PDE1C: variants seen among roughly 807,000 people sequenced by gnomAD.
The protein encoded by PDE1C is dual specificity calcium/calmodulin-dependent 3',5'-cyclic nucleotide phosphodiesterase 1C.
Under a neutral mutation model 93.1 loss-of-function variants are expected in PDE1C, and 62 were observed. The ratio of observed to expected loss-of-function variants is 0.67; its 90% CI spans 0.54 to 0.82. The LOEUF (loss-of-function observed/expected upper bound fraction) is 0.82, where lower values mean the gene tolerates loss of function less well. Ranked by LOEUF, PDE1C falls within the 40% of genes least tolerant of loss-of-function variation. The pLI, the probability that PDE1C is intolerant of heterozygous loss-of-function variation, is 0.00. For synonymous variants in PDE1C, 325 were observed against 310.1 expected, an observed-to-expected ratio of 1.05 and a Z score of -0.50; for missense variants, 742 against 884.6, an observed-to-expected ratio of 0.84 and a Z score of 2.04.
At chr7:31,687,329 C>T in the PDE1C span, 1 of 152,390 alleles carries the variant, frequency 6.6e-6, no homozygotes, top group East Asian at 1.9e-4. Flanking sequence ...GATTTTTACT[C>T]CAAGAACTTT....
chr7:32,023,008 G>C (rs1187952134), intron 2 of PDE1C, among the ~76,000 whole-genome samples: 1 of 148,862 alleles, frequency 6.7e-6, no homozygotes, highest in Non-Finnish European at 1.5e-5. Flanking sequence ...AAGAGGCTTT[G>C]CTCCCACTCT....
intron 2 of PDE1C, among the ~76,000 whole-genome samples, chr7:32,206,014 C>T (rs927331771): frequency 6.6e-6 from 1 of 152,150 alleles, no homozygotes; most frequent in Non-Finnish European, 1.5e-5. Flanking sequence ...CCAGAAGAAA[C>T]CGATTCTAGA....
chr7:32,148,666 C>G (rs1297296159), intron 3 of PDE1C, among the ~76,000 whole-genome samples: 1 of 152,120 alleles, frequency 6.6e-6, no homozygotes, highest in Non-Finnish European at 1.5e-5. Flanking sequence ...TGGACAACGC[C>G]ACTATATATA....
intron 2 of PDE1C, among the ~76,000 whole-genome samples, chr7:31,972,216 A>G (rs1470309191): frequency 6.6e-6 from 1 of 152,242 alleles, no homozygotes; most frequent in African/African-American, 2.4e-5. Context: ...AAAAGGGAAT[A>G]GAACATTGTT....
At chr7:31,783,142 A>T (rs758983913) in intron 16 of PDE1C, among the ~76,000 whole-genome samples, 2 of 152,182 alleles carry the variant, frequency 1.3e-5, no homozygotes, top group Non-Finnish European at 2.9e-5. Flanking sequence ...AGAAAGAAAA[A>T]GTTTGCAATT....
chr7:32,126,458 T>G (rs971728582), intron 3 of PDE1C, among the ~76,000 whole-genome samples: 4 of 152,044 alleles, frequency 2.6e-5, no homozygotes, highest in African/African-American at 9.7e-5. Context: ...AAGAGCACAA[T>G]GAAAGGTAAC....
intron 16 of PDE1C, chr7:31,783,417 C>A (rs1783597387): frequency 1.3e-5 from 2 of 152,032 alleles, no homozygotes; most frequent in Admixed American, 1.3e-4. Context: ...ACAAAAGAGA[C>A]AGATGGTTGA....
chr7:31,627,971 G>C, the PDE1C span, among the ~76,000 whole-genome samples: 1 of 152,278 alleles, frequency 6.6e-6, no homozygotes, highest in East Asian at 1.9e-4. Context: ...TTACTGAAGT[G>C]GGTGGGATTC....
chr7:31,772,194 A>G (rs1795535650), intron 17 of PDE1C, among the ~76,000 whole-genome samples: 3 of 152,080 alleles, frequency 2.0e-5, no homozygotes, highest in African/African-American at 7.2e-5. Flanking sequence ...CTATAATCAT[A>G]TTGGCATATT....
At chr7:31,633,594 G>A in the PDE1C span, among the ~76,000 whole-genome samples, 7 of 152,204 alleles carry the variant, frequency 4.6e-5, no homozygotes, top group African/African-American at 1.7e-4. Context: ...CCATTGTCCT[G>A]AAGTCTAGCT....
intron 1 of PDE1C, among the ~76,000 whole-genome samples, chr7:32,397,655 ACAAT>A (rs2128094543): frequency 6.6e-6 from 1 of 152,342 alleles, no homozygotes; most frequent in Admixed American, 6.5e-5. Flanking sequence ...TATATTGGAA[ACAAT>A]CTAAATGCCT....
the PDE1C span, chr7:31,695,544 C>T: frequency 1.9e-6 from 3 of 1,613,884 alleles, no homozygotes; most frequent in Non-Finnish European, 2.5e-6. Flanking sequence ...GTACAGGCCA[C>T]CCTGAATGTT....
chr7:31,758,150 G>C (rs1439644424), intron 17 of PDE1C, among the ~76,000 whole-genome samples: 1 of 152,092 alleles, frequency 6.6e-6, no homozygotes, highest in Non-Finnish European at 1.5e-5. Context: ...CCTGTCATGG[G>C]GTGGGGGGAG....
chr7:32,000,769 A>G (rs923743017), intron 2 of PDE1C, among the ~76,000 whole-genome samples: 2 of 152,208 alleles, frequency 1.3e-5, no homozygotes, highest in African/African-American at 4.8e-5. Context: ...CCCTGGAACC[A>G]GAGCCCTTTT....
intron 2 of PDE1C, among the ~76,000 whole-genome samples, chr7:31,952,070 G>A (rs530640570): frequency 5.3e-5 from 8 of 152,110 alleles, no homozygotes; most frequent in Non-Finnish European, 1.2e-4. Context: ...TAATTACAGA[G>A]GGGAAAATTG....
At chr7:31,751,088 G>A (rs1330363534), downstream of PDE1C, 1 of 152,156 alleles carries the variant, frequency 6.6e-6, no homozygotes, top group Non-Finnish European at 1.5e-5. Flanking sequence ...TATTCACCTT[G>A]ACAAGATGTT....
chr7:32,105,011 A>C (rs1393682378), intron 3 of PDE1C, among the ~76,000 whole-genome samples: 1 of 151,750 alleles, frequency 6.6e-6, no homozygotes, highest in Non-Finnish European at 1.5e-5. Flanking sequence ...CTCCCATATG[A>C]ATTGTGGTTA....
At chr7:31,759,401 G>T (rs764326950) in intron 17 of PDE1C, among the ~76,000 whole-genome samples, 1 of 152,102 alleles carries the variant, frequency 6.6e-6, no homozygotes, top group Non-Finnish European at 1.5e-5. Context: ...CCAACCAGTC[G>T]TACAATCCCC....
chr7:32,279,295 A>G (rs536725986), intron 1 of PDE1C, among the ~76,000 whole-genome samples: 1 of 152,204 alleles, frequency 6.6e-6, no homozygotes, highest in Non-Finnish European at 1.5e-5. Flanking sequence ...ATTAGAAAAG[A>G]TAAAAGGTAA....
Sources: gnomAD v4.1 joint callset for allele counts (sites outside exome capture counted in the v4.1 genomes callset) on GRCh38, gnomAD v4.1.1 for gene constraint, MANE v1.5 for transcripts, NCBI Gene and HGNC (gene_info 2026-07-23, HGNC 2026-07-21) for gene names.